RAD21: variants seen among roughly 807,000 people sequenced by gnomAD.
RAD21 encodes RAD21 cohesin complex component.
Under a neutral mutation model 71.5 loss-of-function variants are expected in RAD21, and 18 were observed. The observed-to-expected ratio is 0.25, with a 90% CI of 0.17 to 0.37. The LOEUF is 0.37. RAD21 is among the 10% of genes least tolerant of loss of function. The probability of loss-of-function intolerance (pLI) is 1.00; values close to 1 mark genes in which losing one functional copy is unlikely to be tolerated. For synonymous variants in RAD21, 248 were observed against 254.0 expected (o/e 0.98, Z 0.22); for missense variants, 493 against 769.1 (o/e 0.64, Z 4.25).
In RAD21 at chr8:116,847,673, C is replaced by T. The variant is rs1812274005; in HGVS notation, c.1723G>A (p.Gly575Arg). Residue 575 changes from glycine (G) to arginine (R), a missense_variant, in exon 14 of 14, where the codon GGA (glycine) becomes AGA (arginine). By Grantham distance (125) the Gly-to-Arg change is moderately radical. Transcript: ENST00000297338. ...TCAAGCAAACTGATAGATTCAGCTCCAGTTTTAGCAAGAGCACGCTGAAAT... is the reference window on the plus strand; with the variant it reads ...TCAAGCAAACTGATAGATTCAGCTCTAGTTTTAGCAAGAGCACGCTGAAAT... ...HGLQRALAKT[G>R]AESISLLELC... 2 of 1,612,824 alleles carry T rather than the reference C, an allele frequency of 1.2e-6. No individual in the cohort carries two copies. The highest frequency in any genetic ancestry group is 1.3e-5 in the African/African-American group (1 of 74,898).
rs1812483940 is a variant in RAD21 at position 116,856,984 on chromosome 8, T to C, written c.689-213A>G. ...TCTTCATTTGTATTTTCTAGTTTATTTATCTATTTTAAAAAATATTTTACT... is the reference window on the plus strand; with the variant it reads ...TCTTCATTTGTATTTTCTAGTTTATCTATCTATTTTAAAAAATATTTTACT... On this transcript the variant is annotated intron_variant, in intron 6 of 13. Coordinates refer to ENST00000297338, the MANE Select transcript of RAD21 (RefSeq NM_006265.3). Among the ~76,000 whole-genome samples, 3 of 104,222 alleles carry C rather than the reference T, an allele frequency of 2.9e-5. No individual in the cohort carries two copies. In the Admixed American group the frequency reaches 3.0e-4, roughly 10 times the overall value. 68.4% of individuals were successfully genotyped at this position (104,222 alleles called of 152,430 possible). A position where few individuals can be genotyped will look rare whatever the true frequency, so the allele number is the denominator to read the frequency against.
At chr8:116,860,865 G>A (rs1456868110) in intron 4 of RAD21, among the ~76,000 whole-genome samples, 1 of 152,104 alleles carries the variant, frequency 6.6e-6, no homozygotes, top group African/African-American at 2.4e-5. Flanking sequence ...AACTATTACA[G>A]ATGAAATAAG....
At chr8:116,854,153 T>C (rs1033099909) in intron 9 of RAD21, 92 bp downstream of exon 9, 18 of 1,072,702 alleles carry the variant, frequency 1.7e-5, no homozygotes, top group Non-Finnish European at 2.3e-5. Flanking sequence ...AGTTGCAAAA[T>C]ACTTGATCAA....
At position 116,856,577 on chromosome 8, in the gene RAD21, C is replaced by A. The variant is rs113482907; in HGVS notation, c.814+69G>T. The A allele has an allele frequency of 1.9e-3, 2,840 of 1,467,316 alleles. 62 individuals are homozygous for A. The African/African-American group carries it at 0.036, about 19-fold the overall frequency. The allele number at this position is 1,467,316 out of a possible 1,614,324, so 90.9% of individuals were successfully genotyped here. A position where few individuals can be genotyped will look rare whatever the true frequency, so the allele number is the denominator to read the frequency against. Reference sequence around the variant, plus strand: ...AAAACTACAACTTTTAGTTTGTCATCTTCTATGGTAAGTATCTTTCTGGAT... The same window carrying A: ...AAAACTACAACTTTTAGTTTGTCATATTCTATGGTAAGTATCTTTCTGGAT... On this transcript the variant is annotated intron_variant, in intron 7 of 13. Transcript: ENST00000297338.
intron 10 of RAD21, 168 bp from the exon 11 acceptor site, chr8:116,852,264 A>G (rs1013501731): frequency 2.1e-5 from 15 of 709,878 alleles, no homozygotes; most frequent in Non-Finnish European, 3.3e-5. Flanking sequence ...TTTTAGCAAT[A>G]TACGTAAAGG....
At chr8:116,870,934 G>C (rs1170641645) in intron 1 of RAD21, among the ~76,000 whole-genome samples, 1 of 152,172 alleles carries the variant, frequency 6.6e-6, no homozygotes, top group Non-Finnish European at 1.5e-5. Context: ...GCTGGTCAGA[G>C]CACCGTGCCT....
At position 116,874,592 on chromosome 8, in the gene RAD21, G is replaced by A; in HGVS notation, c.-33+19C>T. 2 of 337,070 alleles carry A rather than the reference G, an allele frequency of 5.9e-6. No individual in the cohort carries two copies. The highest frequency in any genetic ancestry group is 8.2e-5 in the Admixed American group (2 of 24,272). 20.9% of individuals were successfully genotyped at this position (337,070 alleles called of 1,614,324 possible). A position where few individuals can be genotyped will look rare whatever the true frequency, so the allele number is the denominator to read the frequency against. Reference sequence around the variant, plus strand: ...GGGAGGGAGCTGGAGGAAAAGAAGGGGTCGGCCGAGTCTCTTACCTTGCTC... The same window carrying A: ...GGGAGGGAGCTGGAGGAAAAGAAGGAGTCGGCCGAGTCTCTTACCTTGCTC... On this transcript the variant is annotated intron_variant, in intron 1 of 13. Coordinates refer to ENST00000297338, the MANE Select transcript of RAD21 (RefSeq NM_006265.3).
intron 1 of RAD21, among the ~76,000 whole-genome samples, chr8:116,867,703 A>G (rs900578183): frequency 6.6e-6 from 1 of 152,232 alleles, no homozygotes; most frequent in African/African-American, 2.4e-5. Context: ...CTTGCTTTAC[A>G]GAAATAAAAT....
At chr8:116,862,148 T>C (rs1052624285) in intron 3 of RAD21, among the ~76,000 whole-genome samples, 6 of 152,168 alleles carry the variant, frequency 3.9e-5, no homozygotes, top group Non-Finnish European at 7.4e-5. Flanking sequence ...GCACTAATTA[T>C]GCATTAAGCT....
rs927975604 is a variant in RAD21, at chr8:116,850,830, T to C, written c.1471-63A>G. 13 of 1,183,856 alleles carry C rather than the reference T, an allele frequency of 1.1e-5. No individual in the cohort carries two copies. The African/African-American group carries it at 1.2e-4, about 11-fold the overall frequency. The allele number at this position is 1,183,856 out of a possible 1,614,324, so 73.3% of individuals were successfully genotyped here. A position where few individuals can be genotyped will look rare whatever the true frequency, so the allele number is the denominator to read the frequency against. On this transcript the variant is annotated intron_variant, in intron 11 of 13. Transcript: ENST00000297338. ...CTTTTAAAGTAGCTTATTTTAAATATGAAAATACACAGTGGCTGAAGTTTT... is the reference window on the plus strand; with the variant it reads ...CTTTTAAAGTAGCTTATTTTAAATACGAAAATACACAGTGGCTGAAGTTTT...
chr8:116,848,858 G>A, intron 13 of RAD21, 88 bp downstream of exon 13: 1 of 1,019,110 alleles, frequency 9.8e-7, no homozygotes. Context: ...TATGCTTTCT[G>A]TTTCCAGCAT....
chr8:116,856,131 G>A, intron 8 of RAD21, 35 bp downstream of exon 8: 2 of 1,593,012 alleles, frequency 1.3e-6, no homozygotes, highest in Non-Finnish European at 1.7e-6. Context: ...ACCTTATGTT[G>A]TATGCTGTAT....
At chr8:116,867,614 G>T (rs1358015574) in intron 1 of RAD21, among the ~76,000 whole-genome samples, 1 of 152,140 alleles carries the variant, frequency 6.6e-6, no homozygotes. Context: ...CTACTTCAGA[G>T]AATGAATTTC....
chr8:116,849,454 A>G (rs1373771100), intron 12 of RAD21: 1 of 156,770 alleles, frequency 6.4e-6, no homozygotes, highest in African/African-American at 2.4e-5. Context: ...ATGATTTTCT[A>G]GATGACTAAT....
Position 116,846,034 on chromosome 8 carries a change from T to TAACA in RAD21, c.*1462_*1465dup, listed in dbSNP as rs1362590060. 6 of 230,720 alleles carry TAACA rather than the reference T, an allele frequency of 2.6e-5. No individual in the cohort carries two copies. In the Admixed American group the frequency reaches 3.4e-4, roughly 13 times the overall value. 14.3% of individuals were successfully genotyped at this position (230,720 alleles called of 1,614,324 possible). ...ACCCGATAAGCAACAAAAACCAGACTAACAAAATGTGTAACAAGAAACTAA... is the reference window on the plus strand; with the variant it reads ...ACCCGATAAGCAACAAAAACCAGACTAACAAACAAAATGTGTAACAAGAAACTAA... On this transcript the variant is annotated 3_prime_UTR_variant, in exon 14 of 14. Coordinates refer to ENST00000297338, the MANE Select transcript of RAD21 (RefSeq NM_006265.3).
chr8:116,858,343 C>T lies in RAD21; in HGVS notation c.481+9G>A. On this transcript the variant is annotated intron_variant, in intron 5 of 13. Coordinates refer to ENST00000297338, the MANE Select transcript of RAD21 (RefSeq NM_006265.3). ...ATAATTAATGGCTAATAATTTGTTT[C>T]TCTTTTACCAAAATCATTTTCTTGT... 1 of 1,584,086 alleles carries T rather than the reference C, an allele frequency of 6.3e-7. No individual in the cohort carries two copies. Among genetic ancestry groups the T allele is most frequent in the South Asian group, 1.1e-5 (1 of 90,388 alleles).
At position 116,854,728 on chromosome 8, in the gene RAD21, G is replaced by A. The variant is rs575566790; in HGVS notation, c.938-260C>T. Among the ~76,000 whole-genome samples, 10 of 152,190 alleles carry A rather than the reference G, an allele frequency of 6.6e-5. No individual in the cohort carries two copies. In the South Asian group the frequency reaches 1.0e-3, roughly 16 times the overall value. On this transcript the variant is annotated intron_variant, in intron 8 of 13. Transcript: ENST00000297338. ...TTTAGCACAAAATAAGCAAAATGAC[G>A]CAAGGGCCAACACATTTTTGCCTAT...
chr8:116,871,206 T>TA (rs1353357472), intron 1 of RAD21, among the ~76,000 whole-genome samples: 1 of 152,184 alleles, frequency 6.6e-6, no homozygotes. Context: ...ATCCAATCTT[T>TA]AAAAAAGTCG....
In RAD21 at chr8:116,874,687, G is replaced by A. The variant is rs558851315; in HGVS notation, c.-109C>T. The A allele has an allele frequency of 9.2e-4, 385 of 417,800 alleles. 5 individuals carry two copies. Among genetic ancestry groups the A allele is most frequent in the African/African-American group, 7.1e-3 (350 of 49,020 alleles). The allele number at this position is 417,800 out of a possible 1,614,324, so 25.9% of individuals were successfully genotyped here. A position where few individuals can be genotyped will look rare whatever the true frequency, so the allele number is the denominator to read the frequency against. On this transcript the variant is annotated 5_prime_UTR_variant, in exon 1 of 14. Coordinates refer to ENST00000297338, the MANE Select transcript of RAD21 (RefSeq NM_006265.3). ...GGGTCGGGGGAGGGGGTGGGGAAAG[G>A]GGGGAGCCCTTGCGAGGTGTAGCTT... is the stretch of plus-strand genomic sequence containing the variant.
Sources: gnomAD v4.1 joint callset for allele counts (sites outside exome capture counted in the v4.1 genomes callset) on GRCh38, gnomAD v4.1.1 for gene constraint, MANE v1.5 for transcripts, NCBI Gene and HGNC (gene_info 2026-07-23, HGNC 2026-07-21) for gene names.